Variants in RUNX2 observed in about 807,000 individuals in gnomAD.
The protein encoded by RUNX2 is runt-related transcription factor 2.
Under a neutral mutation model 51.7 loss-of-function variants are expected in RUNX2, and 10 were observed. The ratio of observed to expected loss-of-function variants is 0.19; its 90% CI spans 0.12 to 0.33. The LOEUF is 0.33. RUNX2 is among the 10% of genes least tolerant of loss of function. The pLI, the probability that RUNX2 is intolerant of heterozygous loss-of-function variation, is 1.00. For synonymous variants in RUNX2, 276 were observed against 273.6 expected (o/e 1.01, Z -0.09); for missense variants, 562 against 691.3 (o/e 0.81, Z 2.10).
At chr6:45,503,553 C>A (rs1470720134) in intron 6 of RUNX2, among the ~76,000 whole-genome samples, 1 of 152,196 alleles carries the variant, frequency 6.6e-6, no homozygotes, top group African/African-American at 2.4e-5. Flanking sequence ...GGGCCACTCT[C>A]CCTTGCCAGC....
intron 2 of RUNX2, among the ~76,000 whole-genome samples, chr6:45,399,612 C>T (rs1451900366): frequency 6.6e-6 from 1 of 151,916 alleles, no homozygotes; most frequent in Non-Finnish European, 1.5e-5. Context: ...CCCACCTTGG[C>T]CTCCCAAAGT....
intron 7 of RUNX2, among the ~76,000 whole-genome samples, chr6:45,533,012 A>G (rs984236664): frequency 3.3e-5 from 5 of 150,306 alleles, no homozygotes; most frequent in Non-Finnish European, 7.4e-5. Flanking sequence ...AGAGGGCTTC[A>G]TGTCCCAGAG....
At chr6:45,489,862 A>C (rs1179340273) in intron 5 of RUNX2, among the ~76,000 whole-genome samples, 1 of 152,210 alleles carries the variant, frequency 6.6e-6, no homozygotes, top group Non-Finnish European at 1.5e-5. Flanking sequence ...TGAATTATTA[A>C]CTTTGTAATT....
intron 5 of RUNX2, among the ~76,000 whole-genome samples, chr6:45,448,243 G>C (rs889194438): frequency 1.3e-5 from 2 of 152,136 alleles, no homozygotes; most frequent in Non-Finnish European, 2.9e-5. Context: ...AGTTGCTTTG[G>C]AACTTTTTAT....
intron 5 of RUNX2, among the ~76,000 whole-genome samples, chr6:45,457,679 G>A (rs1055788517): frequency 3.3e-5 from 5 of 152,190 alleles, no homozygotes; most frequent in African/African-American, 4.8e-5. Context: ...AACTAAAGCA[G>A]CCTTTCTAGT....
chr6:45,344,294 C>T lies in RUNX2; in HGVS notation c.58+15510C>T, dbSNP rs1196102957. ...TTATTTCTTATACAGTTGGGAACCA[C>T]TTCATTTATACTTGGCCTAAACTTC... On this transcript the variant is annotated intron_variant, in intron 2 of 8. Transcript: ENST00000647337. Among the ~76,000 whole-genome samples, 3 of 152,294 alleles carry T rather than the reference C, an allele frequency of 2.0e-5. No homozygotes were observed. The East Asian group carries it at 5.8e-4, about 29-fold the overall frequency.
chr6:45,359,075 T>C (rs1472133943), intron 2 of RUNX2, among the ~76,000 whole-genome samples: 1 of 152,190 alleles, frequency 6.6e-6, no homozygotes, highest in Non-Finnish European at 1.5e-5. Flanking sequence ...AAGACACTTT[T>C]TTCCCTGGTA....
At chr6:45,426,698 ATT>A (rs987141950) in intron 3 of RUNX2, among the ~76,000 whole-genome samples, 1 of 152,346 alleles carries the variant, frequency 6.6e-6, no homozygotes, top group Admixed American at 6.5e-5. Flanking sequence ...AAGAAAACAC[ATT>A]TTTAGATATA....
At chr6:45,354,948 A>G (rs910006106) in intron 2 of RUNX2, among the ~76,000 whole-genome samples, 1 of 152,092 alleles carries the variant, frequency 6.6e-6, no homozygotes, top group African/African-American at 2.4e-5. Context: ...AAGAAACTGG[A>G]AAGATAAATA....
chr6:45,445,501 C>T (rs945456606), intron 5 of RUNX2, among the ~76,000 whole-genome samples: 3 of 152,164 alleles, frequency 2.0e-5, no homozygotes, highest in African/African-American at 7.2e-5. Context: ...CCTTGATAGC[C>T]TTTGTGCCAT....
At chr6:45,493,660 A>T (rs1317876404) in intron 6 of RUNX2, among the ~76,000 whole-genome samples, 1 of 151,950 alleles carries the variant, frequency 6.6e-6, no homozygotes, top group Non-Finnish European at 1.5e-5. Flanking sequence ...TAAAAAAAAA[A>T]GTAGTAGACT....
intron 7 of RUNX2, among the ~76,000 whole-genome samples, chr6:45,514,841 C>T (rs1301719038): frequency 6.6e-6 from 1 of 152,096 alleles, no homozygotes; most frequent in East Asian, 1.9e-4. Flanking sequence ...CAATTTATAT[C>T]TTATGATTCC....
chr6:45,477,718 A>G (rs115757084), intron 5 of RUNX2, among the ~76,000 whole-genome samples: 1,534 of 152,334 alleles, frequency 0.01, 24 homozygotes, highest in African/African-American at 0.032. Context: ...TCTGACTTAT[A>G]ACGTAAAAAC....
chr6:45,497,843 G>A (rs138747296), intron 6 of RUNX2, among the ~76,000 whole-genome samples: 2 of 152,252 alleles, frequency 1.3e-5, no homozygotes, highest in African/African-American at 2.4e-5. Context: ...AATAAATGGG[G>A]TCACTGACCT....
intron 2 of RUNX2, among the ~76,000 whole-genome samples, chr6:45,364,501 T>C (rs1794799768): frequency 6.6e-6 from 1 of 152,082 alleles, no homozygotes; most frequent in South Asian, 2.1e-4. Context: ...CCCCCCACCT[T>C]ATACAGACAA....
chr6:45,481,645 G>A (rs2150400184), intron 5 of RUNX2, among the ~76,000 whole-genome samples: 1 of 152,322 alleles, frequency 6.6e-6, no homozygotes, highest in Non-Finnish European at 1.5e-5. Context: ...CGGAGTCAGA[G>A]AGACTGGGCA....
chr6:45,431,770 C>G (rs1171018949), intron 3 of RUNX2, 93 bp from the exon 4 acceptor site: 23 of 1,424,866 alleles, frequency 1.6e-5, no homozygotes, highest in African/African-American at 2.8e-5. Context: ...ACACTAAGTC[C>G]TGATAAGACA....
At chr6:45,370,578 A>G (rs1563042242) in intron 2 of RUNX2, among the ~76,000 whole-genome samples, 1 of 152,204 alleles carries the variant, frequency 6.6e-6, no homozygotes, top group African/African-American at 2.4e-5. Flanking sequence ...GTATAAGGAT[A>G]TAAGGATCAA....
chr6:45,498,231 C>A (rs1800703519), intron 6 of RUNX2, among the ~76,000 whole-genome samples: 3 of 152,146 alleles, frequency 2.0e-5, no homozygotes, highest in Admixed American at 2.0e-4. Context: ...TTATTCAGTT[C>A]TTTACCATTT....
Sources: gnomAD v4.1 joint callset for allele counts (sites outside exome capture counted in the v4.1 genomes callset) on GRCh38, gnomAD v4.1.1 for gene constraint, MANE v1.5 for transcripts, NCBI Gene and HGNC (gene_info 2026-07-23, HGNC 2026-07-21) for gene names.